Variants in NTRK3 observed in about 807,000 individuals in gnomAD.
NTRK3 encodes the protein neurotrophic receptor tyrosine kinase 3.
A neutral mutation model predicts 91.7 loss-of-function variants in NTRK3; 24 were observed. The observed-to-expected ratio is 0.26, with a 90% CI of 0.19 to 0.37. The LOEUF is 0.37. NTRK3 is among the 10% of genes least tolerant of loss of function. NTRK3 has a pLI of 1.00. For missense variants in NTRK3, 880 were observed against 1,068.9 expected, an observed-to-expected ratio of 0.82 and a Z score of 2.46; for synonymous variants, 483 against 404.0, an observed-to-expected ratio of 1.20 and a Z score of -2.34.
rs188610179 is a variant in NTRK3 at position 88,147,397 on chromosome 15, C to G, written c.402G>C (p.Leu134=). Reference sequence around the variant, plus strand: ...AGAGTGTGGTGAGCCGGTTACTTGACAGGTTTCTGCAAGATTGACAAATAA... The same window carrying G: ...AGAGTGTGGTGAGCCGGTTACTTGAGAGGTTTCTGCAAGATTGACAAATAA... Residue 134 remains leucine (L), a synonymous_variant, in exon 6 of 19, where the codon CTG becomes CTC. Coordinates refer to ENST00000394480, the Ensembl canonical transcript of NTRK3. The G allele has an allele frequency of 3.2e-4, 522 of 1,613,760 alleles. 4 individuals carry two copies. The East Asian group carries it at 9.9e-3, about 31-fold the overall frequency.
At chr15:88,150,559 T>C (rs2151340781) in intron 5 of NTRK3, among the ~76,000 whole-genome samples, 1 of 151,716 alleles carries the variant, frequency 6.6e-6, no homozygotes. Context: ...CCTGGATTCC[T>C]CCCGCTCTTT....
chr15:88,062,252 C>T (rs1042197309), intron 13 of NTRK3, among the ~76,000 whole-genome samples: 2 of 152,200 alleles, frequency 1.3e-5, no homozygotes, highest in Admixed American at 6.6e-5. Flanking sequence ...TGTAGTATAT[C>T]CCACAGAGGT....
chr15:87,867,682 C>A (rs2064721894), exon 19 of NTRK3: 3 of 228,728 alleles, frequency 1.3e-5, no homozygotes, highest in Non-Finnish European at 2.6e-5. Flanking sequence ...CCCATGCTAA[C>A]CGTTTTGGTT....
exon 19 of NTRK3, chr15:87,860,111 T>C (rs1439092703): frequency 4.6e-6 from 1 of 215,936 alleles, no homozygotes; most frequent in Non-Finnish European, 9.3e-6. Context: ...TTGATTTGTA[T>C]TAGTGTCATG....
chr15:88,231,439 T>A (rs976543193), intron 3 of NTRK3, among the ~76,000 whole-genome samples: 3 of 151,410 alleles, frequency 2.0e-5, no homozygotes, highest in Non-Finnish European at 4.4e-5. Context: ...GAAACGCAGA[T>A]TAAAAATAAT....
chr15:87,912,303 AC>A (rs1474126451), intron 17 of NTRK3, among the ~76,000 whole-genome samples: 11 of 152,180 alleles, frequency 7.2e-5, no homozygotes, highest in African/African-American at 2.2e-4. Context: ...CTTCTACTTA[AC>A]CTCATGGAGA....
Position 88,083,358 on chromosome 15 carries a change from G to A in NTRK3, c.1396+42913C>T, listed in dbSNP as rs138852380. ...GCCTCAGCCTCTCTGGAGTAGCTGGGATTATAGGCACCCACCACCATGCCC... is the reference window on the plus strand; with the variant it reads ...GCCTCAGCCTCTCTGGAGTAGCTGGAATTATAGGCACCCACCACCATGCCC... On this transcript the variant is annotated intron_variant, in intron 13 of 18. Transcript: ENST00000394480. 9.2e-3 allele frequency among the ~76,000 whole-genome samples: 1,405 copies of A among 152,168 alleles called. 27 individuals are homozygous for A. The highest frequency in any genetic ancestry group is 0.032 in the African/African-American group (1,337 of 41,522).
chr15:87,977,676 C>T (rs1474820408), intron 14 of NTRK3: 6 of 231,666 alleles, frequency 2.6e-5, no homozygotes, highest in South Asian at 1.8e-4. Context: ...CTGGAGGGGG[C>T]GAGATAAACA....
At chr15:88,174,332 C>A (rs958398360) in intron 5 of NTRK3, among the ~76,000 whole-genome samples, 2 of 152,126 alleles carry the variant, frequency 1.3e-5, no homozygotes, top group Non-Finnish European at 2.9e-5. Flanking sequence ...AAGGGATGTG[C>A]AAGATGTGGC....
At chr15:88,034,016 A>T (rs1307133752) in intron 13 of NTRK3, among the ~76,000 whole-genome samples, 2 of 152,054 alleles carry the variant, frequency 1.3e-5, no homozygotes, top group African/African-American at 4.8e-5. Flanking sequence ...GGTGAGTCCC[A>T]TTTACAATCA....
intron 14 of NTRK3, among the ~76,000 whole-genome samples, chr15:87,983,636 G>A (rs913220993): frequency 3.6e-4 from 55 of 152,130 alleles, no homozygotes; most frequent in African/African-American, 1.3e-3. Context: ...ACAGCCCCAA[G>A]TTCACTTTGT....
At chr15:88,173,376 G>A (rs187541494) in intron 5 of NTRK3, among the ~76,000 whole-genome samples, 37 of 152,244 alleles carry the variant, frequency 2.4e-4, no homozygotes, top group Admixed American at 9.2e-4. Flanking sequence ...AATCCTGCCC[G>A]AAATGGGCCA....
intron 5 of NTRK3, among the ~76,000 whole-genome samples, chr15:88,172,403 A>G (rs2151515157): frequency 6.6e-6 from 1 of 152,346 alleles, no homozygotes; most frequent in Admixed American, 6.5e-5. Flanking sequence ...AAGAGGGGGA[A>G]AAAAGAGAAG....
intron 3 of NTRK3, among the ~76,000 whole-genome samples, chr15:88,224,826 G>A (rs532030131): frequency 1.6e-4 from 25 of 152,274 alleles, no homozygotes; most frequent in Non-Finnish European, 3.1e-4. Context: ...AAATTATCCT[G>A]GCACATGGAG....
intron 13 of NTRK3, among the ~76,000 whole-genome samples, chr15:88,064,280 C>A (rs1484137124): frequency 6.6e-6 from 1 of 152,194 alleles, no homozygotes. Flanking sequence ...GAATACATTT[C>A]CATTGTTTTA....
intron 13 of NTRK3, among the ~76,000 whole-genome samples, chr15:88,093,473 T>C (rs1597267730): frequency 6.6e-6 from 1 of 152,226 alleles, no homozygotes; most frequent in East Asian, 1.9e-4. Context: ...CTCATGCTTA[T>C]GGATGGGTGT....
At chr15:87,872,331 G>A (rs983387988) in exon 19 of NTRK3, 1 of 223,004 alleles carries the variant, frequency 4.5e-6, no homozygotes, top group Admixed American at 5.7e-5. Flanking sequence ...TTGGAAAAGG[G>A]GAACAAAGAA....
chr15:88,211,910 A>T (rs750837178), intron 3 of NTRK3, among the ~76,000 whole-genome samples: 44 of 152,360 alleles, frequency 2.9e-4, no homozygotes, highest in Non-Finnish European at 5.7e-4. Context: ...TTCTTTTCTA[A>T]TCAACTCTAT....
chr15:88,074,283 C>T (rs142568920), intron 13 of NTRK3, among the ~76,000 whole-genome samples: 1 of 152,324 alleles, frequency 6.6e-6, no homozygotes, highest in East Asian at 1.9e-4. Context: ...GGCCTCTGGT[C>T]CAGCTCCATC....
Sources: allele counts gnomAD v4.1 joint callset (sites outside exome capture counted in the v4.1 genomes callset), GRCh38; gene constraint gnomAD v4.1.1; transcripts MANE v1.5; gene names NCBI Gene and HGNC (gene_info 2026-07-23, HGNC 2026-07-21).